Variants in LINGO2 observed in about 807,000 individuals in gnomAD.
LINGO2 encodes leucine rich repeat and Ig domain containing 2.
LINGO2 carries 14 observed loss-of-function variants against 30.6 expected under a neutral mutation model. That is an observed-to-expected ratio of 0.46 (90% CI 0.30 to 0.72). LINGO2 has a LOEUF of 0.72. Ranked by LOEUF, LINGO2 falls within the 30% of genes least tolerant of loss-of-function variation. The pLI, the probability that LINGO2 is intolerant of heterozygous loss-of-function variation, is 0.07. For missense variants in LINGO2, 729 were observed against 751.7 expected (o/e 0.97, Z 0.35); for synonymous variants, 317 against 288.5 (o/e 1.10, Z -1.00).
At chr9:28,575,853 T>A (rs2135619753) in intron 1 of LINGO2, among the ~76,000 whole-genome samples, 1 of 152,166 alleles carries the variant, frequency 6.6e-6, no homozygotes, top group East Asian at 1.9e-4. Flanking sequence ...TGAAGCATTT[T>A]GTATATATTA....
chr9:29,109,164 AGCTATT>A, the LINGO2 span, among the ~76,000 whole-genome samples: 4 of 152,152 alleles, frequency 2.6e-5, no homozygotes, highest in African/African-American at 9.7e-5. Flanking sequence ...GTGAATAAAA[AGCTATT>A]GCATAAAGTG....
chr9:28,141,636 G>A (rs531762348), intron 4 of LINGO2, among the ~76,000 whole-genome samples: 1 of 152,200 alleles, frequency 6.6e-6, no homozygotes, highest in African/African-American at 2.4e-5. Context: ...CAAATTCTTG[G>A]CTGGGTGCGG....
chr9:28,420,921 C>G (rs945992598), intron 2 of LINGO2, among the ~76,000 whole-genome samples: 2 of 151,788 alleles, frequency 1.3e-5, no homozygotes, highest in Admixed American at 6.6e-5. Flanking sequence ...ACTTAAGAAA[C>G]GAATGCTGAA....
chr9:28,607,879 T>C (rs10812851), intron 1 of LINGO2, among the ~76,000 whole-genome samples: 65,275 of 151,754 alleles, frequency 0.43, 14,751 homozygotes, highest in African/African-American at 0.56. Context: ...GAACCATTCC[T>C]CAAAGAAAGT....
intron 4 of LINGO2, among the ~76,000 whole-genome samples, chr9:28,198,066 C>G (rs1587200881): frequency 6.7e-6 from 1 of 148,882 alleles, no homozygotes; most frequent in Admixed American, 6.7e-5. Context: ...GCACAGCAAT[C>G]AAAATTACAT....
chr9:29,097,873 G>C, the LINGO2 span, among the ~76,000 whole-genome samples: 2 of 138,360 alleles, frequency 1.4e-5, 1 homozygote, highest in Non-Finnish European at 3.1e-5. Context: ...ATACAGGTCA[G>C]GTCAATGCTA....
At chr9:28,990,296 T>TGG in the LINGO2 span, among the ~76,000 whole-genome samples, 8 of 152,080 alleles carry the variant, frequency 5.3e-5, no homozygotes, top group African/African-American at 1.9e-4. Context: ...GCAGCAAGGC[T>TGG]GGGGGAGGGG....
At chr9:28,791,502 C>T in the LINGO2 span, among the ~76,000 whole-genome samples, 11 of 152,048 alleles carry the variant, frequency 7.2e-5, no homozygotes, top group African/African-American at 2.6e-4. Context: ...GATCCCAAAG[C>T]CATGGTTTTC....
the LINGO2 span, among the ~76,000 whole-genome samples, chr9:28,698,060 C>T: frequency 2.6e-5 from 4 of 151,986 alleles, no homozygotes; most frequent in African/African-American, 9.7e-5. Flanking sequence ...ACAAATTAGA[C>T]TCAGAAAGGC....
chr9:29,193,167 C>T, the LINGO2 span, among the ~76,000 whole-genome samples: 42 of 152,274 alleles, frequency 2.8e-4, no homozygotes, highest in African/African-American at 9.6e-4. Context: ...TCCAAACACA[C>T]CAAAATGTAT....
At chr9:28,965,449 G>A in the LINGO2 span, among the ~76,000 whole-genome samples, 6 of 152,102 alleles carry the variant, frequency 3.9e-5, no homozygotes, top group East Asian at 3.9e-4. Flanking sequence ...CGTTTCCTAC[G>A]TATTTAAATC....
At chr9:28,991,217 T>C in the LINGO2 span, among the ~76,000 whole-genome samples, 3 of 151,684 alleles carry the variant, frequency 2.0e-5, no homozygotes, top group Non-Finnish European at 2.9e-5. Flanking sequence ...ACGTGAAGAA[T>C]GCAGAAGCCT....
chr9:28,535,371 A>T (rs1821392716), intron 1 of LINGO2, among the ~76,000 whole-genome samples: 1 of 152,150 alleles, frequency 6.6e-6, no homozygotes, highest in Non-Finnish European at 1.5e-5. Flanking sequence ...GATAAAAGAC[A>T]TCAATCCTTT....
the LINGO2 span, among the ~76,000 whole-genome samples, chr9:29,109,041 G>T: frequency 6.6e-6 from 1 of 152,030 alleles, no homozygotes; most frequent in African/African-American, 2.4e-5. Context: ...TCTCATTTTT[G>T]ATATAAAATT....
chr9:28,727,349 G>A, the LINGO2 span, among the ~76,000 whole-genome samples: 53 of 151,754 alleles, frequency 3.5e-4, no homozygotes, highest in South Asian at 8.6e-3. Flanking sequence ...GCAGTGGTGC[G>A]ATCTCAGCTC....
At chr9:27,942,650 T>C in the LINGO2 span, 1 of 152,256 alleles carries the variant, frequency 6.6e-6, no homozygotes, top group East Asian at 1.9e-4. Context: ...TTATTAACTT[T>C]CAATCATGGG....
At chr9:28,780,854 G>A in the LINGO2 span, among the ~76,000 whole-genome samples, 2 of 151,408 alleles carry the variant, frequency 1.3e-5, no homozygotes, top group African/African-American at 4.9e-5. Context: ...GTGTGTGTGT[G>A]TGTGTGTGTG....
chr9:28,782,652 TCTC>T, the LINGO2 span, among the ~76,000 whole-genome samples: 1 of 152,152 alleles, frequency 6.6e-6, no homozygotes, highest in Non-Finnish European at 1.5e-5. Flanking sequence ...GATGCAAAAC[TCTC>T]CTCTTTTTTC....
At chr9:28,386,113 C>T (rs190839972) in intron 2 of LINGO2, among the ~76,000 whole-genome samples, 1 of 152,256 alleles carries the variant, frequency 6.6e-6, no homozygotes, top group African/African-American at 2.4e-5. Flanking sequence ...CCTCTGCCTG[C>T]CTGAGGATCA....
Sources: allele counts gnomAD v4.1 joint callset (sites outside exome capture counted in the v4.1 genomes callset), GRCh38; gene constraint gnomAD v4.1.1; transcripts MANE v1.5; gene names NCBI Gene and HGNC (gene_info 2026-07-23, HGNC 2026-07-21).